The following CELA2A variants were observed in gnomAD, a reference collection of about 807,000 sequenced individuals.
CELA2A encodes chymotrypsin-like elastase family member 2A.
A neutral mutation model predicts 35.3 loss-of-function variants in CELA2A; 31 were observed. The observed-to-expected ratio is 0.88, with a 90% CI of 0.66 to 1.19. The LOEUF (loss-of-function observed/expected upper bound fraction) is 1.19, where lower values mean the gene tolerates loss of function less well. Ranked by LOEUF, CELA2A falls within the 50% of genes most tolerant of loss-of-function variation. The pLI is 0.00. For missense variants in CELA2A, 330 were observed against 352.9 expected (o/e 0.94, Z 0.52); for synonymous variants, 150 against 149.8 (o/e 1.00, Z -0.01).
In CELA2A at chr1:15,466,456, G is replaced by T. The variant is rs1708519494; in HGVS notation, c.639+312G>T. On this transcript the variant is annotated intron_variant, in intron 6 of 7. Coordinates refer to ENST00000359621, the MANE Select transcript of CELA2A (RefSeq NM_033440.3). Reference sequence around the variant, plus strand: ...AGGCGCCTGTACTCACAGCTACTCGGGAGGCTGAGGCAGGAGAATCACTTG... The same window carrying T: ...AGGCGCCTGTACTCACAGCTACTCGTGAGGCTGAGGCAGGAGAATCACTTG... Among the ~76,000 whole-genome samples the T allele has an allele frequency of 2.6e-5, 4 of 152,028 alleles. No homozygotes were observed. The South Asian group carries it at 8.3e-4, about 32-fold the overall frequency.
At chr1:15,469,474 A>G (rs1000635416) in intron 7 of CELA2A, among the ~76,000 whole-genome samples, 2 of 152,190 alleles carry the variant, frequency 1.3e-5, no homozygotes, top group African/African-American at 4.8e-5. Flanking sequence ...AATTAAACTG[A>G]CACTTATAAA....
intron 5 of CELA2A, among the ~76,000 whole-genome samples, chr1:15,464,008 C>T (rs1570798753): frequency 2.0e-5 from 3 of 152,080 alleles, no homozygotes; most frequent in East Asian, 3.9e-4. Context: ...GCCAAGATTT[C>T]GCTACTGCAC....
chr1:15,462,846 A>G lies in CELA2A; in HGVS notation c.341A>G (p.Asn114Ser), dbSNP rs1708455301. 10 of 1,614,144 alleles carry G rather than the reference A, an allele frequency of 6.2e-6. No homozygotes were observed. The highest frequency in any genetic ancestry group is 1.1e-5 in the South Asian group (1 of 91,082). The change falls in exon 4 of 8, where the codon AAC becomes AGC. Residue 114 changes from asparagine (N) to serine (S), a missense_variant. Coordinates refer to ENST00000359621, the MANE Select transcript of CELA2A (RefSeq NM_033440.3). ...KIVVHKDWNS[N>S]QISKGNDIAL... ...GTGGTGCACAAGGACTGGAACTCCA[A>G]CCAAATCTCCAAAGGGTTCGTTTCT...
At chr1:15,463,000 T>C in intron 4 of CELA2A, 139 bp downstream of exon 4, 1 of 1,297,412 alleles carries the variant, frequency 7.7e-7, no homozygotes, top group Non-Finnish European at 1.1e-6. Context: ...GCCTCTTAGA[T>C]GTGGAACCAG....
Position 15,459,783 on chromosome 1 carries a change from G to A in CELA2A, c.130-1778G>A, listed in dbSNP as rs1284215519. Among the ~76,000 whole-genome samples, 3 of 152,164 alleles carry A rather than the reference G, an allele frequency of 2.0e-5. No homozygotes were observed. In the East Asian group the frequency reaches 5.8e-4, roughly 29 times the overall value. ...GTGGGGACTCAGATGAGGCAAGTAA[G>A]ACATTCACTCTGGAGGCAAAATGTA... On this transcript the variant is annotated intron_variant, in intron 2 of 7. Coordinates refer to ENST00000359621, the MANE Select transcript of CELA2A (RefSeq NM_033440.3).
At chr1:15,458,257 C>G (rs1456817122) in intron 2 of CELA2A, among the ~76,000 whole-genome samples, 1 of 152,036 alleles carries the variant, frequency 6.6e-6, no homozygotes, top group Non-Finnish European at 1.5e-5. Flanking sequence ...GTTCACAAAG[C>G]AATCTGAGTT....
At chr1:15,456,968 C>T (rs1708368837) in intron 1 of CELA2A, 118 bp from the exon 2 acceptor site, 1 of 1,262,844 alleles carries the variant, frequency 7.9e-7, no homozygotes, top group Non-Finnish European at 1.1e-6. Context: ...ATTCTATGAC[C>T]TCTTGGGATC....
chr1:15,465,332 A>G (rs778713033), intron 5 of CELA2A, among the ~76,000 whole-genome samples: 9 of 152,108 alleles, frequency 5.9e-5, no homozygotes, highest in Non-Finnish European at 1.2e-4. Flanking sequence ...CCTAGGCTTC[A>G]ATCGGAAGTG....
intron 2 of CELA2A, among the ~76,000 whole-genome samples, chr1:15,459,381 C>G (rs1472455822): frequency 1.3e-5 from 2 of 150,730 alleles, no homozygotes; most frequent in African/African-American, 2.4e-5. Context: ...CCAGGCTGGT[C>G]TTGAACTTCT....
intron 4 of CELA2A, chr1:15,463,104 G>A (rs1708462363): frequency 1.4e-6 from 1 of 716,940 alleles, no homozygotes; most frequent in African/African-American, 1.8e-5. Context: ...CACCTGCAGG[G>A]CCCCTGTCCG....
At chr1:15,457,797 G>A (rs1708381973) in intron 2 of CELA2A, among the ~76,000 whole-genome samples, 1 of 152,070 alleles carries the variant, frequency 6.6e-6, no homozygotes, top group Non-Finnish European at 1.5e-5. Flanking sequence ...AACCATTCAA[G>A]ACTACCTATG....
intron 2 of CELA2A, among the ~76,000 whole-genome samples, chr1:15,459,879 G>A (rs1188623673): frequency 6.6e-6 from 1 of 151,724 alleles, no homozygotes; most frequent in Non-Finnish European, 1.5e-5. Flanking sequence ...CTATTCAAGG[G>A]GCTGAGGCAG....
chr1:15,462,133 C>T (rs1317289481), intron 3 of CELA2A: 1 of 472,230 alleles, frequency 2.1e-6, no homozygotes, highest in Middle Eastern at 3.7e-4. Flanking sequence ...CCACAAGGTT[C>T]TGCAACGTTG....
At chr1:15,459,761 G>A (rs1202025963) in intron 2 of CELA2A, among the ~76,000 whole-genome samples, 3 of 151,966 alleles carry the variant, frequency 2.0e-5, no homozygotes, top group African/African-American at 7.2e-5. Flanking sequence ...TAGCTGGGTG[G>A]GGACTCAGAT....
chr1:15,467,507 G>A lies in CELA2A; in HGVS notation c.761G>A (p.Arg254Gln), dbSNP rs555930156. 9.3e-6 allele frequency: 15 copies of A among 1,614,124 alleles called. No homozygotes were observed. Among genetic ancestry groups the A allele is most frequent in the South Asian group, 3.3e-5 (3 of 91,084 alleles). The part of the protein sequence containing the change: ...NYYHKPSVFT[R>Q]VSNYIDWINS... ...TACCACAAGCCCTCCGTCTTCACGC[G>A]GGTCTCCAATTACATCGACTGGATC... The change falls in exon 7 of 8, where the codon CGG (arginine) becomes CAG (glutamine). Residue 254 changes from arginine to glutamine, a missense_variant. Transcript: ENST00000359621.
chr1:15,462,672 C>T (rs1570797522), intron 3 of CELA2A, 61 bp from the exon 4 acceptor site: 9 of 1,600,238 alleles, frequency 5.6e-6, no homozygotes, highest in East Asian at 4.5e-5. Flanking sequence ...GGTCTATCCC[C>T]AGCATTATCC....
rs774073473 is a variant in CELA2A, at chr1:15,462,756, G to T, written c.251G>T (p.Gly84Val). Residue 84 changes from glycine (G) to valine (V), a missense_variant, in exon 4 of 8, where the codon GGG becomes GTG. By Grantham distance (109) the Gly-to-Val change is moderately radical. Transcript: ENST00000359621. ...AGCTCCTCCAGGACCTACCGCGTGG[G>T]GCTGGGCCGGCACAACCTCTACGTT... ...CISSSRTYRV[G>V]LGRHNLYVAE... The T allele has an allele frequency of 3.1e-6, 5 of 1,614,046 alleles. No homozygotes were observed. The South Asian group carries it at 3.3e-5, about 11-fold the overall frequency.
chr1:15,470,785 T>G (rs1479714012), intron 7 of CELA2A, among the ~76,000 whole-genome samples: 1 of 152,150 alleles, frequency 6.6e-6, no homozygotes, highest in African/African-American at 2.4e-5. Context: ...TTCACCATGT[T>G]GGCCAGGCTG....
intron 6 of CELA2A, 89 bp from the exon 7 acceptor site, chr1:15,467,297 C>T (rs1395919127): frequency 7.3e-7 from 1 of 1,378,900 alleles, no homozygotes. Context: ...TGACCTGCAG[C>T]AGAACAATAG....
Sources: gnomAD v4.1 joint callset for allele counts (sites outside exome capture counted in the v4.1 genomes callset) on GRCh38, gnomAD v4.1.1 for gene constraint, MANE v1.5 for transcripts, NCBI Gene and HGNC (gene_info 2026-07-23, HGNC 2026-07-21) for gene names.